The following ARMC9 variants were observed in gnomAD, a reference collection of about 807,000 sequenced individuals.
ARMC9 encodes the protein lisH domain-containing protein ARMC9.
A neutral mutation model predicts 107.0 loss-of-function variants in ARMC9; 94 were observed. That is an observed-to-expected ratio of 0.88 (90% CI 0.74 to 1.04). The LOEUF (loss-of-function observed/expected upper bound fraction) is 1.04, where lower values mean the gene tolerates loss of function less well. Ranked by LOEUF, ARMC9 falls within the 50% of genes least tolerant of loss-of-function variation. The pLI is 0.00. For synonymous variants in ARMC9, 380 were observed against 396.9 expected, an observed-to-expected ratio of 0.96 and a Z score of 0.51; for missense variants, 942 against 1,030.1, an observed-to-expected ratio of 0.91 and a Z score of 1.17.
intron 20 of ARMC9, among the ~76,000 whole-genome samples, chr2:231,341,565 A>C (rs1331915819): frequency 6.6e-6 from 1 of 152,144 alleles, no homozygotes; most frequent in African/African-American, 2.4e-5. Flanking sequence ...TAGACTGCTA[A>C]CAGTGTCTGC....
At chr2:231,256,295 A>G in intron 9 of ARMC9, 1 of 1,554,522 alleles carries the variant, frequency 6.4e-7, no homozygotes, top group East Asian at 2.4e-5. Flanking sequence ...AGAAGCCCGG[A>G]GGTTGCGCTG....
chr2:231,349,300 C>T (rs112378054), intron 21 of ARMC9, among the ~76,000 whole-genome samples: 26 of 152,270 alleles, frequency 1.7e-4, no homozygotes, highest in African/African-American at 6.3e-4. Flanking sequence ...AACTGGAGAT[C>T]ATTATGCTAC....
At chr2:231,369,244 A>G (rs1342746333) in intron 23 of ARMC9, among the ~76,000 whole-genome samples, 1 of 151,742 alleles carries the variant, frequency 6.6e-6, no homozygotes, top group African/African-American at 2.4e-5. Context: ...GCATTTCCCC[A>G]CCTTATGCCC....
At chr2:231,222,499 C>A (rs531133008) in intron 5 of ARMC9, among the ~76,000 whole-genome samples, 7 of 152,196 alleles carry the variant, frequency 4.6e-5, no homozygotes, top group African/African-American at 1.7e-4. Flanking sequence ...TTATTTTTTC[C>A]CTGTTTATGA....
At chr2:231,287,704 T>C (rs943352437) in intron 17 of ARMC9, among the ~76,000 whole-genome samples, 2 of 152,200 alleles carry the variant, frequency 1.3e-5, no homozygotes, top group African/African-American at 2.4e-5. Flanking sequence ...AATCATGTCA[T>C]GTAATCATGA....
intron 20 of ARMC9, among the ~76,000 whole-genome samples, chr2:231,335,043 C>T (rs978287756): frequency 1.3e-5 from 2 of 152,162 alleles, no homozygotes; most frequent in East Asian, 1.9e-4. Flanking sequence ...AACATTCTGT[C>T]AGAAAATTGT....
At chr2:231,227,921 G>C (rs1450744975) in intron 7 of ARMC9, among the ~76,000 whole-genome samples, 1 of 152,204 alleles carries the variant, frequency 6.6e-6, no homozygotes, top group East Asian at 1.9e-4. Context: ...CTTCATGGAG[G>C]AGCAGGGCTA....
chr2:231,370,187 G>T, intron 24 of ARMC9, 62 bp downstream of exon 24: 3 of 1,439,370 alleles, frequency 2.1e-6, no homozygotes, highest in Non-Finnish European at 2.7e-6. Flanking sequence ...GCAGGGAAGG[G>T]CATTTTGCTG....
At chr2:231,311,544 C>T (rs967370223) in intron 19 of ARMC9, among the ~76,000 whole-genome samples, 2 of 151,656 alleles carry the variant, frequency 1.3e-5, no homozygotes, top group Non-Finnish European at 2.9e-5. Context: ...CCAAGGCAGG[C>T]GGATCACTTG....
intron 14 of ARMC9, among the ~76,000 whole-genome samples, 178 bp from the exon 15 acceptor site, chr2:231,276,458 C>T (rs1380193186): frequency 1.3e-5 from 2 of 151,972 alleles, no homozygotes; most frequent in Non-Finnish European, 2.9e-5. Context: ...TTAGTAGAGA[C>T]GGGGTTTCAC....
chr2:231,245,172 C>T (rs988779051), intron 9 of ARMC9, among the ~76,000 whole-genome samples: 2 of 152,226 alleles, frequency 1.3e-5, no homozygotes, highest in Admixed American at 6.5e-5. Context: ...TTGCTGCTCC[C>T]ACCCATTTGT....
chr2:231,224,831 G>A (rs1363846698), intron 6 of ARMC9, among the ~76,000 whole-genome samples: 1 of 152,196 alleles, frequency 6.6e-6, no homozygotes, highest in Admixed American at 6.5e-5. Context: ...TAAAATAGGA[G>A]TCTGTGAGGC....
chr2:231,264,745 C>A (rs1192490180), intron 12 of ARMC9, among the ~76,000 whole-genome samples: 1 of 152,074 alleles, frequency 6.6e-6, no homozygotes, highest in Non-Finnish European at 1.5e-5. Context: ...GATCCGCCCG[C>A]CTCAGCCTCC....
intron 20 of ARMC9, among the ~76,000 whole-genome samples, chr2:231,335,005 G>A (rs1329334722): frequency 2.0e-5 from 3 of 152,224 alleles, no homozygotes; most frequent in African/African-American, 7.2e-5. Flanking sequence ...GATTTTTCAA[G>A]ATGACTCTAA....
chr2:231,369,319 G>C (rs556677870), intron 23 of ARMC9, among the ~76,000 whole-genome samples: 2 of 151,558 alleles, frequency 1.3e-5, no homozygotes, highest in Admixed American at 1.3e-4. Context: ...TTGAGACAGA[G>C]TCTCACTCTG....
chr2:231,354,009 A>ACACACACC (rs1350044036), intron 21 of ARMC9, among the ~76,000 whole-genome samples: 1 of 143,618 alleles, frequency 7.0e-6, no homozygotes, highest in Non-Finnish European at 1.5e-5. Context: ...ACACACACAC[A>ACACACACC]CACACACCAT....
At chr2:231,331,697 C>G in intron 19 of ARMC9, 96 bp from the exon 20 acceptor site, 1 of 1,095,206 alleles carries the variant, frequency 9.1e-7, no homozygotes, top group South Asian at 1.4e-5. Flanking sequence ...TGGCCGAGGC[C>G]TTCTTGTTTC....
intron 17 of ARMC9, among the ~76,000 whole-genome samples, chr2:231,287,338 G>A (rs534411839): frequency 4.5e-4 from 68 of 152,302 alleles, no homozygotes; most frequent in Admixed American, 7.2e-4. Context: ...CATTTGCTTG[G>A]CAGAATCTAG....
At chr2:231,207,625 G>A (rs191155544) in intron 2 of ARMC9, among the ~76,000 whole-genome samples, 13 of 152,226 alleles carry the variant, frequency 8.5e-5, no homozygotes, top group East Asian at 3.9e-4. Flanking sequence ...ACAGGCACGC[G>A]CCACTGCGCC....
Sources: allele counts gnomAD v4.1 joint callset (sites outside exome capture counted in the v4.1 genomes callset), GRCh38; gene constraint gnomAD v4.1.1; transcripts MANE v1.5; gene names NCBI Gene and HGNC (gene_info 2026-07-23, HGNC 2026-07-21).